The following MEI4 variants were observed in gnomAD, a reference collection of about 807,000 sequenced individuals.
MEI4 encodes meiosis-specific protein MEI4.
A neutral mutation model predicts 31.4 loss-of-function variants in MEI4; 27 were observed. The observed-to-expected ratio is 0.86, with a 90% confidence interval of 0.63 to 1.19. The LOEUF is 1.19. Ranked by LOEUF, MEI4 falls within the 50% of genes most tolerant of loss-of-function variation. The probability of loss-of-function intolerance (pLI) is 0.00; values close to 1 mark genes in which losing one functional copy is unlikely to be tolerated. For synonymous variants in MEI4, 122 were observed against 145.4 expected, an observed-to-expected ratio of 0.84 and a Z score of 1.16; for missense variants, 329 against 398.9, an observed-to-expected ratio of 0.82 and a Z score of 1.49.
At chr6:77,909,669 A>T (rs9350739) in intron 4 of MEI4, among the ~76,000 whole-genome samples, 41,838 of 152,014 alleles carry the variant, frequency 0.28, 5,982 homozygotes, top group East Asian at 0.36. Context: ...AACTATTCCA[A>T]TCAATAGAAA....
At chr6:77,883,780 T>C (rs746556291) in intron 4 of MEI4, among the ~76,000 whole-genome samples, 14 of 117,910 alleles carry the variant, frequency 1.2e-4, no homozygotes, top group Non-Finnish European at 1.9e-4. Context: ...TGGTGGACAG[T>C]TTGTTTTTTT....
chr6:77,803,057 T>A (rs1769315646), intron 3 of MEI4, among the ~76,000 whole-genome samples: 1 of 152,242 alleles, frequency 6.6e-6, no homozygotes, highest in African/African-American at 2.4e-5. Flanking sequence ...GATAATATCC[T>A]GCAGAGTGTT....
At chr6:77,745,394 G>T (rs995698073) in intron 2 of MEI4, among the ~76,000 whole-genome samples, 14 of 152,234 alleles carry the variant, frequency 9.2e-5, no homozygotes, top group African/African-American at 3.4e-4. Flanking sequence ...TAATGGTAAA[G>T]GGATCAATTC....
chr6:77,711,092 G>A (rs560150021), intron 2 of MEI4, among the ~76,000 whole-genome samples: 22 of 144,690 alleles, frequency 1.5e-4, no homozygotes, highest in African/African-American at 5.1e-4. Context: ...GGAGCTGACA[G>A]TTGGGGGAGA....
intron 2 of MEI4, among the ~76,000 whole-genome samples, chr6:77,706,084 T>G (rs969798260): frequency 6.6e-6 from 1 of 152,076 alleles, no homozygotes; most frequent in Non-Finnish European, 1.5e-5. Flanking sequence ...CTCCTCTTTC[T>G]CCCCAAGGCA....
At chr6:77,742,231 C>T (rs1767428415) in intron 2 of MEI4, among the ~76,000 whole-genome samples, 1 of 151,534 alleles carries the variant, frequency 6.6e-6, no homozygotes, top group African/African-American at 2.4e-5. Flanking sequence ...GTTTACAGTC[C>T]CACCAACAGT....
chr6:77,655,093 C>A (rs932821465), intron 1 of MEI4, among the ~76,000 whole-genome samples: 4 of 151,974 alleles, frequency 2.6e-5, no homozygotes, highest in Non-Finnish European at 4.4e-5. Flanking sequence ...GTGTGATGTT[C>A]CCCTCCCTGT....
chr6:77,779,562 G>T (rs1363846581), intron 3 of MEI4, among the ~76,000 whole-genome samples: 1 of 152,146 alleles, frequency 6.6e-6, no homozygotes, highest in Non-Finnish European at 1.5e-5. Flanking sequence ...TATCATATTT[G>T]CATATGATTT....
intron 2 of MEI4, among the ~76,000 whole-genome samples, chr6:77,705,803 T>C (rs562559763): frequency 5.4e-4 from 83 of 152,332 alleles, no homozygotes; most frequent in African/African-American, 1.9e-3. Flanking sequence ...ATTTTAAATT[T>C]AAGTGTGTGT....
chr6:77,678,056 C>T (rs548467264), intron 1 of MEI4, among the ~76,000 whole-genome samples: 4 of 152,162 alleles, frequency 2.6e-5, no homozygotes, highest in African/African-American at 7.2e-5. Context: ...AATTGATTAC[C>T]GTGGAGCTGA....
intron 4 of MEI4, among the ~76,000 whole-genome samples, chr6:77,910,045 A>G (rs1158663133): frequency 6.6e-6 from 1 of 152,220 alleles, no homozygotes; most frequent in Non-Finnish European, 1.5e-5. Context: ...TTAGGTATTG[A>G]TGGGACGTAT....
chr6:77,655,931 A>G (rs137950327), intron 1 of MEI4, among the ~76,000 whole-genome samples: 641 of 152,318 alleles, frequency 4.2e-3, no homozygotes, highest in Non-Finnish European at 7.5e-3. Flanking sequence ...GTCTTTAAGG[A>G]AATGTTCTGA....
intron 2 of MEI4, among the ~76,000 whole-genome samples, chr6:77,734,527 G>T (rs1184328584): frequency 6.6e-6 from 1 of 151,872 alleles, no homozygotes; most frequent in Non-Finnish European, 1.5e-5. Context: ...GAGCCTATTT[G>T]TGTCTCTGCA....
In MEI4 at chr6:77,926,123, A is replaced by C. The variant is rs187766346; in HGVS notation, c.*2777A>C. 65 of 151,922 alleles carry C rather than the reference A, an allele frequency of 4.3e-4. No individual in the cohort carries two copies. Among genetic ancestry groups the C allele is most frequent in the Non-Finnish European group, 6.9e-4 (47 of 67,944 alleles). The allele number at this position is 151,922 out of a possible 1,614,324, so 9.4% of individuals were successfully genotyped here. A position where few individuals can be genotyped will look rare whatever the true frequency, so the allele number is the denominator to read the frequency against. On this transcript the variant is annotated 3_prime_UTR_variant, in exon 5 of 5. Coordinates refer to ENST00000684080, the MANE Select transcript of MEI4 (RefSeq NM_001322247.2). ...GCCTGTTATGTGCAGCTCTCCTGGC[A>C]CTTCAGTAAACTTTCACAAACACAG...
intron 4 of MEI4, among the ~76,000 whole-genome samples, chr6:77,866,406 A>T (rs1171225476): frequency 6.6e-6 from 1 of 152,208 alleles, no homozygotes; most frequent in Non-Finnish European, 1.5e-5. Flanking sequence ...ATCAATGTAC[A>T]AAAGTCACAA....
chr6:77,820,763 A>C lies in MEI4; in HGVS notation c.769-8168A>C, dbSNP rs560209149. Reference sequence around the variant, plus strand: ...ATGTATGGCTTTTATTGTTGCTATTAATTATGTTGTCAGTCTAATTGTTCT... The same window carrying C: ...ATGTATGGCTTTTATTGTTGCTATTCATTATGTTGTCAGTCTAATTGTTCT... On this transcript the variant is annotated intron_variant, in intron 3 of 4. Transcript: ENST00000684080. This position sits in a 1 kb window ranked among gnomAD's most constrained non-coding sequence, Gnocchi z 4.5. 1.3e-5 allele frequency among the ~76,000 whole-genome samples: 2 copies of C among 151,372 alleles called. No homozygotes were observed. The highest frequency in any genetic ancestry group is 1.3e-4 in the Admixed American group (2 of 15,128).
chr6:77,792,568 A>T (rs928189911), intron 3 of MEI4, among the ~76,000 whole-genome samples: 18 of 152,108 alleles, frequency 1.2e-4, no homozygotes, highest in Admixed American at 5.2e-4. Context: ...TTGCTATGGA[A>T]CATTTCTCCT....
intron 2 of MEI4, among the ~76,000 whole-genome samples, chr6:77,749,709 A>T (rs899550343): frequency 1.3e-5 from 2 of 152,210 alleles, no homozygotes; most frequent in Admixed American, 1.3e-4. Flanking sequence ...GCTATTAGCC[A>T]GGAGAACTTC....
At chr6:77,782,971 G>T (rs1323634541) in intron 3 of MEI4, among the ~76,000 whole-genome samples, 2 of 151,896 alleles carry the variant, frequency 1.3e-5, no homozygotes, top group African/African-American at 4.8e-5. Context: ...AATATGAAGG[G>T]GTTATTATGT....
Sources: allele counts gnomAD v4.1 joint callset (sites outside exome capture counted in the v4.1 genomes callset), GRCh38; gene constraint gnomAD v4.1.1; non-coding constraint Gnocchi (gnomAD v3.1); transcripts MANE v1.5; gene names NCBI Gene and HGNC (gene_info 2026-07-23, HGNC 2026-07-21).